Variants in RBM47 observed in about 807,000 individuals in gnomAD.
RBM47 encodes RNA binding motif protein 47.
In RBM47, 21 loss-of-function variants were observed where a neutral mutation model predicts 47.1. The ratio of observed to expected loss-of-function variants is 0.45; its 90% CI spans 0.32 to 0.64. The LOEUF is 0.64. Ranked by LOEUF, RBM47 falls within the 30% of genes least tolerant of loss-of-function variation. RBM47 has a pLI of 0.05. For missense variants in RBM47, 708 were observed against 870.9 expected, an observed-to-expected ratio of 0.81 and a Z score of 2.35; for synonymous variants, 375 against 361.7, an observed-to-expected ratio of 1.04 and a Z score of -0.42.
intron 2 of RBM47, among the ~76,000 whole-genome samples, chr4:40,495,086 C>T (rs1376163989): frequency 3.9e-5 from 6 of 152,148 alleles, no homozygotes; most frequent in Non-Finnish European, 7.3e-5. Flanking sequence ...GGACTACAGG[C>T]ACGCCCCACC....
At position 40,549,891 on chromosome 4, in the gene RBM47, C is replaced by T. The variant is rs1220197887; in HGVS notation, c.-239-5385G>A. ...AGACAGGGTTTCACCATGTTGGTCT[C>T]GAACTCCTGACCTTGTGATCCACCC... On this transcript the variant is annotated intron_variant, in intron 1 of 6. Coordinates refer to ENST00000295971, the MANE Select transcript of RBM47 (RefSeq NM_001098634.2). 3.9e-5 allele frequency among the ~76,000 whole-genome samples: 6 copies of T among 152,002 alleles called. No homozygotes were observed. The East Asian group carries it at 5.8e-4, about 15-fold the overall frequency.
chr4:40,612,628 G>A (rs560850285), intron 1 of RBM47, among the ~76,000 whole-genome samples: 1 of 152,290 alleles, frequency 6.6e-6, no homozygotes, highest in African/African-American at 2.4e-5. Context: ...ATCCAACAGG[G>A]CATTTGTAGG....
intron 1 of RBM47, among the ~76,000 whole-genome samples, chr4:40,588,267 C>T (rs956327527): frequency 6.6e-6 from 1 of 152,170 alleles, no homozygotes; most frequent in African/African-American, 2.4e-5. Context: ...GGGGAACATT[C>T]CAGCTTCCCA....
chr4:40,528,858 G>A (rs1027185766), intron 2 of RBM47, among the ~76,000 whole-genome samples: 1 of 151,836 alleles, frequency 6.6e-6, no homozygotes, highest in Non-Finnish European at 1.5e-5. Flanking sequence ...CAGGAGAATG[G>A]CGTGAACCCG....
intron 1 of RBM47, among the ~76,000 whole-genome samples, chr4:40,557,358 G>GACTGTAATTTCCTTGAGGACAGT (rs1355111575): frequency 1.2e-4 from 19 of 152,256 alleles, no homozygotes; most frequent in African/African-American, 4.6e-4. Flanking sequence ...GTTCCTACTA[G>GACTGTAATTTCCTTGAGGACAGT]ACTGTAATTT....
chr4:40,616,422 C>G (rs1227356819), intron 1 of RBM47, among the ~76,000 whole-genome samples: 1 of 150,936 alleles, frequency 6.6e-6, no homozygotes, highest in Non-Finnish European at 1.5e-5. Flanking sequence ...TCATTTTATT[C>G]CTATGAGTTT....
intron 2 of RBM47, among the ~76,000 whole-genome samples, chr4:40,513,866 A>G (rs568262769): frequency 6.6e-6 from 1 of 151,972 alleles, no homozygotes; most frequent in South Asian, 2.1e-4. Context: ...CTACCGGCGC[A>G]CACCACCATG....
At chr4:40,433,999 G>A (rs372686300) in intron 5 of RBM47, among the ~76,000 whole-genome samples, 3,892 of 46,336 alleles carry the variant, frequency 0.084, 530 homozygotes, top group Middle Eastern at 0.16. Context: ...TGTGTGGGGC[G>A]GGGGTGTGTG....
At chr4:40,548,284 G>C (rs968714758) in intron 1 of RBM47, among the ~76,000 whole-genome samples, 1 of 152,308 alleles carries the variant, frequency 6.6e-6, no homozygotes, top group Non-Finnish European at 1.5e-5. Flanking sequence ...ACATAAGAGC[G>C]TACAGGATCT....
chr4:40,464,024 T>C (rs1448994556), intron 3 of RBM47, among the ~76,000 whole-genome samples: 1 of 152,164 alleles, frequency 6.6e-6, no homozygotes, highest in Non-Finnish European at 1.5e-5. Context: ...TTTATAGACA[T>C]GTATAATCAA....
chr4:40,600,143 G>A (rs1270134038), intron 1 of RBM47, among the ~76,000 whole-genome samples: 1 of 151,826 alleles, frequency 6.6e-6, no homozygotes, highest in Non-Finnish European at 1.5e-5. Context: ...TGAGCAGCTG[G>A]GACTACAGCC....
At chr4:40,613,173 A>T (rs1030618931) in intron 1 of RBM47, among the ~76,000 whole-genome samples, 5 of 151,786 alleles carry the variant, frequency 3.3e-5, no homozygotes, top group Admixed American at 6.6e-5. Context: ...AATGATTTTT[A>T]TTTTTTTTGC....
chr4:40,452,921 G>A (rs1715670981), intron 3 of RBM47, among the ~76,000 whole-genome samples: 1 of 142,882 alleles, frequency 7.0e-6, no homozygotes, highest in Admixed American at 7.5e-5. Flanking sequence ...TTGGCTCACT[G>A]CAAACTCCAC....
intron 1 of RBM47, among the ~76,000 whole-genome samples, chr4:40,594,062 C>CA (rs1417495925): frequency 1.3e-5 from 2 of 151,416 alleles, no homozygotes; most frequent in South Asian, 2.1e-4. Context: ...AAAAAACAAA[C>CA]AAAAAAAAGA....
intron 2 of RBM47, among the ~76,000 whole-genome samples, chr4:40,538,024 G>T (rs1409841203): frequency 6.6e-6 from 1 of 151,908 alleles, no homozygotes; most frequent in African/African-American, 2.4e-5. Flanking sequence ...TCAAGTCTTG[G>T]AAAGTTCTTC....
intron 2 of RBM47, among the ~76,000 whole-genome samples, chr4:40,526,866 A>G (rs1309173961): frequency 6.7e-6 from 1 of 148,340 alleles, no homozygotes; most frequent in African/African-American, 2.5e-5. Flanking sequence ...CCACACATAA[A>G]CAGACAACAG....
At chr4:40,513,416 A>AT (rs1407549683) in intron 2 of RBM47, among the ~76,000 whole-genome samples, 5 of 152,006 alleles carry the variant, frequency 3.3e-5, no homozygotes, top group Admixed American at 2.0e-4. Flanking sequence ...TGTTGGAACT[A>AT]TTTTTTTTCC....
intron 2 of RBM47, among the ~76,000 whole-genome samples, chr4:40,490,148 C>A (rs1212869038): frequency 1.3e-5 from 2 of 152,078 alleles, no homozygotes; most frequent in Non-Finnish European, 2.9e-5. Flanking sequence ...TAAATAACAT[C>A]TACAAAAAAC....
chr4:40,583,700 T>C (rs1382691562), intron 1 of RBM47, among the ~76,000 whole-genome samples: 1 of 149,046 alleles, frequency 6.7e-6, no homozygotes, highest in Non-Finnish European at 1.5e-5. Context: ...CTACTAAAAA[T>C]ACAAAAAATT....
Sources: allele counts gnomAD v4.1 joint callset (sites outside exome capture counted in the v4.1 genomes callset), GRCh38; gene constraint gnomAD v4.1.1; transcripts MANE v1.5; gene names NCBI Gene and HGNC (gene_info 2026-07-23, HGNC 2026-07-21).